PRKAG2: variants seen among roughly 807,000 people sequenced by gnomAD.
PRKAG2 encodes 5'-AMP-activated protein kinase subunit gamma-2.
PRKAG2 carries 26 observed loss-of-function variants against 69.6 expected under a neutral mutation model. That is an observed-to-expected ratio of 0.37 (90% CI 0.27 to 0.52). PRKAG2 has a LOEUF of 0.52. PRKAG2 is among the 20% of genes least tolerant of loss of function. The pLI, the probability that PRKAG2 is intolerant of heterozygous loss-of-function variation, is 0.90. For missense variants in PRKAG2, 557 were observed against 740.0 expected (o/e 0.75, Z 2.87); for synonymous variants, 293 against 285.0 (o/e 1.03, Z -0.28).
At chr7:151,854,024 C>T (rs769055615) in intron 1 of PRKAG2, among the ~76,000 whole-genome samples, 1 of 152,136 alleles carries the variant, frequency 6.6e-6, no homozygotes. Flanking sequence ...CCTGTCCACC[C>T]GCTGGGGACA....
At chr7:151,775,157 G>A (rs1342698232) in intron 3 of PRKAG2, among the ~76,000 whole-genome samples, 1 of 152,246 alleles carries the variant, frequency 6.6e-6, no homozygotes, top group Admixed American at 6.5e-5. Context: ...GCCAAGGAGG[G>A]TGGGATGCCA....
Position 151,567,237 on chromosome 7 carries a change from G to T in PRKAG2, c.1234-1352C>A, listed in dbSNP as rs1806468894. ...TCCCAAGGCCCCTGCGTGGAGAAAA[G>T]CATGGGGAGTGAGGAACGCTTGAAA... is the stretch of plus-strand genomic sequence containing the variant. On this transcript the variant is annotated intron_variant, in intron 11 of 15. Coordinates refer to ENST00000287878, the MANE Select transcript of PRKAG2 (RefSeq NM_016203.4). This position sits in a 1 kb window ranked among gnomAD's most constrained non-coding sequence, Gnocchi z 4.2. Among the ~76,000 whole-genome samples, 1 of 152,190 alleles carries T rather than the reference G, an allele frequency of 6.6e-6. No homozygotes were observed. The highest frequency in any genetic ancestry group is 2.4e-5 in the African/African-American group (1 of 41,430).
intron 3 of PRKAG2, among the ~76,000 whole-genome samples, chr7:151,755,215 C>A (rs1485756173): frequency 6.6e-6 from 1 of 152,206 alleles, no homozygotes; most frequent in Non-Finnish European, 1.5e-5. Flanking sequence ...CTGTCTGTCA[C>A]ACCCACAGCT....
chr7:151,817,621 CT>C (rs1436548778), intron 1 of PRKAG2, among the ~76,000 whole-genome samples: 1 of 152,246 alleles, frequency 6.6e-6, no homozygotes, highest in East Asian at 1.9e-4. Context: ...AGCCCTGCCC[CT>C]AAAGCCCCTC....
chr7:151,809,430 C>T lies in PRKAG2; in HGVS notation c.115-22889G>A, dbSNP rs945442660. ...CTTCGAGGGGACTCCGGCAGGCGCT[C>T]GCTGTGGGGTCCTCCCACCAGTCTT... On this transcript the variant is annotated intron_variant, in intron 1 of 15. Coordinates refer to ENST00000287878, the MANE Select transcript of PRKAG2 (RefSeq NM_016203.4). 17 of 355,268 alleles carry T rather than the reference C, an allele frequency of 4.8e-5. 1 individual carries two copies. The highest frequency in any genetic ancestry group is 8.2e-5 in the South Asian group (4 of 48,498). The allele number at this position is 355,268 out of a possible 1,614,324, so 22.0% of individuals were successfully genotyped here. A position where few individuals can be genotyped will look rare whatever the true frequency, so the allele number is the denominator to read the frequency against.
At chr7:151,805,951 C>A (rs2078078774) in intron 1 of PRKAG2, among the ~76,000 whole-genome samples, 1 of 152,208 alleles carries the variant, frequency 6.6e-6, no homozygotes, top group Non-Finnish European at 1.5e-5. Context: ...ATAGTCCAAG[C>A]ATTTTGGGAG....
chr7:151,784,451 A>C (rs1399578979), intron 2 of PRKAG2, among the ~76,000 whole-genome samples: 1 of 152,172 alleles, frequency 6.6e-6, no homozygotes, highest in Non-Finnish European at 1.5e-5. Flanking sequence ...AGATGGATAA[A>C]TGGCCCGGAG....
At chr7:151,673,867 G>A (rs574896388) in intron 4 of PRKAG2, among the ~76,000 whole-genome samples, 57 of 123,142 alleles carry the variant, frequency 4.6e-4, no homozygotes, top group Admixed American at 2.1e-3. Context: ...TTTTGAGACA[G>A]TGTCTCGCTC....
chr7:151,755,240 C>T (rs1014901128), intron 3 of PRKAG2, among the ~76,000 whole-genome samples: 4 of 152,142 alleles, frequency 2.6e-5, no homozygotes, highest in African/African-American at 4.8e-5. Flanking sequence ...GTGAGTTCCT[C>T]ATTCTTGAAG....
intron 6 of PRKAG2, among the ~76,000 whole-genome samples, chr7:151,582,506 A>T (rs1286091920): frequency 6.6e-6 from 1 of 152,178 alleles, no homozygotes. Flanking sequence ...TTCAATGGCA[A>T]AGAGAACGTT....
rs192958088 is a variant in PRKAG2, at chr7:151,697,486, C to T, written c.467-21849G>A. On this transcript the variant is annotated intron_variant, in intron 3 of 15. Transcript: ENST00000287878. ...GTGGGGACTTGGAGCAGAAAGGACC[C>T]GCCGCTGGAAGTGAGGGTCACAGGA... 1.7e-3 allele frequency among the ~76,000 whole-genome samples: 256 copies of T among 152,196 alleles called. 1 individual carries two copies. The highest frequency in any genetic ancestry group is 5.3e-3 in the African/African-American group (220 of 41,526).
chr7:151,743,721 G>GAACA (rs1270663179), intron 3 of PRKAG2, among the ~76,000 whole-genome samples: 1 of 152,214 alleles, frequency 6.6e-6, no homozygotes, highest in African/African-American at 2.4e-5. Context: ...ATGGGTCAGG[G>GAACA]AACAGCAAGC....
intron 1 of PRKAG2, among the ~76,000 whole-genome samples, chr7:151,820,450 T>TCCAACTTCAC (rs1358626032): frequency 6.7e-6 from 1 of 149,482 alleles, no homozygotes; most frequent in East Asian, 2.0e-4. Context: ...CTCCGTGGCC[T>TCCAACTTCAC]GGCCCCTGTG....
intron 3 of PRKAG2, among the ~76,000 whole-genome samples, chr7:151,779,585 C>T (rs1037219397): frequency 2.6e-5 from 4 of 152,242 alleles, no homozygotes; most frequent in Non-Finnish European, 5.9e-5. Context: ...GCTCTCCGCC[C>T]CGCTCAGAAA....
chr7:151,720,244 CAG>C (rs1796834071), intron 3 of PRKAG2, among the ~76,000 whole-genome samples: 2 of 152,162 alleles, frequency 1.3e-5, no homozygotes, highest in African/African-American at 4.8e-5. Flanking sequence ...CAGATGGACA[CAG>C]AGAGAAAGAA....
chr7:151,762,511 G>T (rs2075479372), intron 3 of PRKAG2, among the ~76,000 whole-genome samples: 1 of 152,142 alleles, frequency 6.6e-6, no homozygotes, highest in African/African-American at 2.4e-5. Context: ...GAGGATGGGG[G>T]CTAGGAAGGC....
At position 151,850,053 on chromosome 7, in the gene PRKAG2, G is replaced by A. The variant is rs887072722; in HGVS notation, c.114+26454C>T. Among the ~76,000 whole-genome samples the A allele has an allele frequency of 1.9e-4, 29 of 152,174 alleles. 1 individual carries two copies. Among genetic ancestry groups the A allele is most frequent in the Non-Finnish European group, 4.4e-5 (3 of 68,034 alleles). The stretch of plus-strand genomic sequence containing the variant: ...AGGCACAGAGAGGCTCTGCTGGGCT[G>A]CAGGGGGAGCGAGACACACCAGGGA... On this transcript the variant is annotated intron_variant, in intron 1 of 15. Coordinates refer to ENST00000287878, the MANE Select transcript of PRKAG2 (RefSeq NM_016203.4). This position sits in a 1 kb window ranked among gnomAD's most constrained non-coding sequence, Gnocchi z 4.1.
In PRKAG2 at chr7:151,853,487, T is replaced by C. The variant is rs542921695; in HGVS notation, c.114+23020A>G. 1.2e-3 allele frequency among the ~76,000 whole-genome samples: 183 copies of C among 152,238 alleles called. 6 individuals carry two copies. The South Asian group carries it at 0.032, about 27-fold the overall frequency. On this transcript the variant is annotated intron_variant, in intron 1 of 15. Transcript: ENST00000287878. ...TTTTTGAGGTTAGAAAATAGTCAAA[T>C]ATGGCTCACGCCTGTAATCCCAGCA...
In PRKAG2 at chr7:151,807,686, G is replaced by C; in HGVS notation, c.115-21145C>G. On this transcript the variant is annotated intron_variant, in intron 1 of 15. Transcript: ENST00000287878. The surrounding 1 kb of genome is among the most constrained non-coding windows in gnomAD (Gnocchi z 4.4). Reference sequence around the variant, plus strand: ...CCAAACCTACACAACCGTTTCCACTGCCTATTCCCGGGCCCCTCACTTGGG... The same window carrying C: ...CCAAACCTACACAACCGTTTCCACTCCCTATTCCCGGGCCCCTCACTTGGG... The C allele has an allele frequency of 2.3e-6, 1 of 439,590 alleles. No homozygotes were observed. The allele number at this position is 439,590 out of a possible 1,614,324, so 27.2% of individuals were successfully genotyped here. A position where few individuals can be genotyped will look rare whatever the true frequency, so the allele number is the denominator to read the frequency against.
Sources: gnomAD v4.1 joint callset for allele counts (sites outside exome capture counted in the v4.1 genomes callset) on GRCh38, gnomAD v4.1.1 for gene constraint, Gnocchi (gnomAD v3.1) non-coding constraint, MANE v1.5 for transcripts, NCBI Gene and HGNC (gene_info 2026-07-23, HGNC 2026-07-21) for gene names.